Variants in CSMD3 observed in about 807,000 individuals in gnomAD.
CSMD3 encodes CUB and Sushi multiple domains 3.
CSMD3 carries 177 observed loss-of-function variants against 435.2 expected under a neutral mutation model. That is an observed-to-expected ratio of 0.41 (90% CI 0.36 to 0.46). The LOEUF (loss-of-function observed/expected upper bound fraction) is 0.46. Ranked by LOEUF, CSMD3 falls within the 20% of genes least tolerant of loss-of-function variation. The pLI, the probability that CSMD3 is intolerant of heterozygous loss-of-function variation, is 0.34. For synonymous variants in CSMD3, 1,656 were observed against 1,520.5 expected (o/e 1.09, Z -2.07); for missense variants, 4,265 against 4,504.6 (o/e 0.95, Z 1.52).
At chr8:113,022,832 G>C (rs1376636020) in intron 5 of CSMD3, among the ~76,000 whole-genome samples, 1 of 151,736 alleles carries the variant, frequency 6.6e-6, no homozygotes, top group East Asian at 1.9e-4. Flanking sequence ...GTTTAATGAG[G>C]AAAGAAATAC....
chr8:113,273,186 C>A (rs1788643268), intron 3 of CSMD3, among the ~76,000 whole-genome samples: 1 of 151,456 alleles, frequency 6.6e-6, no homozygotes, highest in Non-Finnish European at 1.5e-5. Context: ...AAAACATTTT[C>A]TTGATTATTG....
intron 13 of CSMD3, among the ~76,000 whole-genome samples, chr8:112,786,815 G>A (rs1344296805): frequency 2.0e-5 from 3 of 152,044 alleles, no homozygotes; most frequent in Admixed American, 2.0e-4. Context: ...GCATACACGT[G>A]TCATGGTGGT....
At chr8:113,206,487 C>A (rs1160215180) in intron 3 of CSMD3, among the ~76,000 whole-genome samples, 1 of 151,908 alleles carries the variant, frequency 6.6e-6, no homozygotes, top group South Asian at 2.1e-4. Context: ...AATTTATATT[C>A]TTCATTTTTC....
intron 13 of CSMD3, among the ~76,000 whole-genome samples, chr8:112,693,774 T>C (rs1457802535): frequency 6.6e-6 from 1 of 152,114 alleles, no homozygotes; most frequent in East Asian, 1.9e-4. Flanking sequence ...CTTGTTCATA[T>C]TGAATGTTGA....
intron 41 of CSMD3, among the ~76,000 whole-genome samples, chr8:112,344,760 T>C (rs1178372824): frequency 6.6e-6 from 1 of 152,186 alleles, no homozygotes; most frequent in South Asian, 2.1e-4. Flanking sequence ...TTATTAAATA[T>C]GATATATTAT....
chr8:112,548,289 C>T (rs1563688429), intron 27 of CSMD3, among the ~76,000 whole-genome samples: 1 of 152,042 alleles, frequency 6.6e-6, no homozygotes, highest in African/African-American at 2.4e-5. Context: ...AGATTGGGAC[C>T]TTTGATGTGG....
intron 1 of CSMD3, among the ~76,000 whole-genome samples, chr8:113,330,573 CAAAT>C (rs765025569): frequency 6.6e-6 from 1 of 151,530 alleles, no homozygotes; most frequent in African/African-American, 2.4e-5. Flanking sequence ...AGGCACAAAA[CAAAT>C]GAAAGTAAAA....
At chr8:113,251,992 T>A (rs2093338828) in intron 3 of CSMD3, among the ~76,000 whole-genome samples, 1 of 152,102 alleles carries the variant, frequency 6.6e-6, no homozygotes, top group Admixed American at 6.6e-5. Flanking sequence ...CCTATTATGC[T>A]CAAATGTTAC....
intron 1 of CSMD3, among the ~76,000 whole-genome samples, chr8:113,407,618 T>C (rs1222855244): frequency 6.6e-6 from 1 of 151,894 alleles, no homozygotes; most frequent in Non-Finnish European, 1.5e-5. Context: ...GTTGCCCTGG[T>C]TTGTAGCACG....
intron 5 of CSMD3, among the ~76,000 whole-genome samples, chr8:113,046,789 C>G (rs1056130063): frequency 6.6e-6 from 1 of 152,098 alleles, no homozygotes; most frequent in Admixed American, 6.5e-5. Flanking sequence ...TTTCTGAATC[C>G]CAGGGCTGGA....
chr8:113,381,762 T>TA (rs1437132650), intron 1 of CSMD3, among the ~76,000 whole-genome samples: 2 of 152,034 alleles, frequency 1.3e-5, no homozygotes, highest in Non-Finnish European at 2.9e-5. Flanking sequence ...AGGCCATAAG[T>TA]AAAAAATTTA....
At chr8:112,226,791 A>G (rs539992701) in intron 70 of CSMD3, among the ~76,000 whole-genome samples, 2 of 152,326 alleles carry the variant, frequency 1.3e-5, no homozygotes, top group East Asian at 3.9e-4. Context: ...CAACAAGCAC[A>G]TAAAAGGATG....
intron 3 of CSMD3, among the ~76,000 whole-genome samples, chr8:113,188,937 A>C (rs1178626717): frequency 2.0e-5 from 3 of 151,826 alleles, no homozygotes; most frequent in African/African-American, 7.2e-5. Flanking sequence ...TCTAATCTTT[A>C]TTTAATGGTC....
At chr8:112,458,513 G>T (rs1236096704) in intron 32 of CSMD3, among the ~76,000 whole-genome samples, 1 of 151,964 alleles carries the variant, frequency 6.6e-6, no homozygotes, top group Non-Finnish European at 1.5e-5. Context: ...ACTACTTCCT[G>T]GTATCCTTAA....
intron 3 of CSMD3, among the ~76,000 whole-genome samples, chr8:113,251,421 A>G (rs1522059): frequency 0.3 from 45,907 of 151,818 alleles, 8,051 homozygotes; most frequent in East Asian, 0.7. Context: ...TGAGACACAG[A>G]GATTTTTCTC....
At chr8:112,474,937 T>C (rs1463267142) in intron 31 of CSMD3, among the ~76,000 whole-genome samples, 1 of 152,138 alleles carries the variant, frequency 6.6e-6, no homozygotes, top group Non-Finnish European at 1.5e-5. Flanking sequence ...TAACCAAAGA[T>C]GCACCCCTCT....
chr8:112,875,796 T>G (rs1240526331), intron 10 of CSMD3, among the ~76,000 whole-genome samples: 2 of 152,134 alleles, frequency 1.3e-5, no homozygotes, highest in African/African-American at 4.8e-5. Context: ...TCTAAACTGG[T>G]TATTCTAGTT....
At chr8:112,712,421 C>T (rs185992736) in intron 13 of CSMD3, among the ~76,000 whole-genome samples, 8 of 152,190 alleles carry the variant, frequency 5.3e-5, no homozygotes, top group Non-Finnish European at 1.0e-4. Context: ...TAATTACTCA[C>T]CTACTCCTGT....
intron 3 of CSMD3, among the ~76,000 whole-genome samples, chr8:113,231,683 T>A (rs1179862779): frequency 6.6e-6 from 1 of 151,514 alleles, no homozygotes; most frequent in African/African-American, 2.4e-5. Flanking sequence ...TTTCTTCATA[T>A]ATTGTACTTT....
Sources: gnomAD v4.1 joint callset for allele counts (sites outside exome capture counted in the v4.1 genomes callset) on GRCh38, gnomAD v4.1.1 for gene constraint, MANE v1.5 for transcripts, NCBI Gene and HGNC (gene_info 2026-07-23, HGNC 2026-07-21) for gene names.